Variants in DTNB observed in about 807,000 individuals in gnomAD.
The protein encoded by DTNB is dystrobrevin beta.
Under a neutral mutation model 90.7 loss-of-function variants are expected in DTNB, and 63 were observed. The ratio of observed to expected loss-of-function variants is 0.69; its 90% CI spans 0.57 to 0.86. The LOEUF is 0.86. Among genes scored for constraint, DTNB ranks in the 40% least tolerant of loss-of-function variants. The probability of loss-of-function intolerance (pLI) is 0.00; values close to 1 mark genes in which losing one functional copy is unlikely to be tolerated. For missense variants in DTNB, 744 were observed against 807.1 expected, an observed-to-expected ratio of 0.92 and a Z score of 0.95; for synonymous variants, 277 against 286.7, an observed-to-expected ratio of 0.97 and a Z score of 0.34.
At chr2:25,592,653 A>G (rs1393356693) in intron 6 of DTNB, among the ~76,000 whole-genome samples, 1 of 152,246 alleles carries the variant, frequency 6.6e-6, no homozygotes, top group African/African-American at 2.4e-5. Flanking sequence ...ATATCATTAA[A>G]AAAAAGCATT....
chr2:25,458,326 C>T (rs1046382872), intron 10 of DTNB, among the ~76,000 whole-genome samples: 9 of 150,972 alleles, frequency 6.0e-5, no homozygotes, highest in Non-Finnish European at 8.8e-5. Context: ...CCTTAAAGAG[C>T]GTGTTTATGT....
chr2:25,656,666 T>C (rs2082125886), intron 1 of DTNB, among the ~76,000 whole-genome samples: 1 of 152,240 alleles, frequency 6.6e-6, no homozygotes, highest in Non-Finnish European at 1.5e-5. Context: ...TATGACCTTG[T>C]GATCTCAGAA....
At chr2:25,561,942 T>G (rs746955736) in intron 8 of DTNB, among the ~76,000 whole-genome samples, 2 of 152,206 alleles carry the variant, frequency 1.3e-5, no homozygotes, top group Non-Finnish European at 2.9e-5. Context: ...ATTCACCCAC[T>G]GTAAAATTCA....
intron 5 of DTNB, among the ~76,000 whole-genome samples, chr2:25,604,717 G>A (rs2066706626): frequency 6.6e-6 from 1 of 152,068 alleles, no homozygotes; most frequent in Non-Finnish European, 1.5e-5. Context: ...AGCCTCCCGA[G>A]TAGCTGGGAT....
intron 4 of DTNB, among the ~76,000 whole-genome samples, chr2:25,608,164 G>A (rs769626045): frequency 2.6e-5 from 4 of 152,184 alleles, no homozygotes; most frequent in African/African-American, 9.6e-5. Context: ...AAAAGCTTGT[G>A]TTCACAATGT....
chr2:25,491,611 G>A (rs1031891677), intron 9 of DTNB, among the ~76,000 whole-genome samples: 3 of 152,082 alleles, frequency 2.0e-5, no homozygotes, highest in Non-Finnish European at 4.4e-5. Context: ...GGATATATTT[G>A]TAGCGTCTGC....
intron 8 of DTNB, among the ~76,000 whole-genome samples, chr2:25,565,654 C>T (rs75053133): frequency 0.011 from 1,747 of 151,932 alleles, 10 homozygotes; most frequent in Middle Eastern, 0.075. Context: ...TTGTCAAATT[C>T]CTTTTTCATA....
intron 12 of DTNB, among the ~76,000 whole-genome samples, chr2:25,444,114 GA>G (rs540415097): frequency 7.3e-5 from 11 of 151,418 alleles, no homozygotes; most frequent in East Asian, 1.9e-4. Context: ...TTTTATAAGG[GA>G]AAAAAAACCC....
intron 8 of DTNB, among the ~76,000 whole-genome samples, chr2:25,554,115 T>C (rs1377819293): frequency 6.6e-6 from 1 of 152,142 alleles, no homozygotes; most frequent in Non-Finnish European, 1.5e-5. Flanking sequence ...CTAATACTTT[T>C]AAAACTGAAA....
At chr2:25,562,783 T>C (rs969316541) in intron 8 of DTNB, among the ~76,000 whole-genome samples, 1 of 151,858 alleles carries the variant, frequency 6.6e-6, no homozygotes, top group Non-Finnish European at 1.5e-5. Flanking sequence ...CTTTTTTTTC[T>C]TTTTTTTGAG....
intron 9 of DTNB, among the ~76,000 whole-genome samples, chr2:25,513,008 A>T (rs1277020351): frequency 6.6e-6 from 1 of 152,216 alleles, no homozygotes; most frequent in African/African-American, 2.4e-5. Context: ...GTAATATGAC[A>T]AAGGCAGTGA....
At chr2:25,617,322 G>C (rs1301940764) in intron 4 of DTNB, among the ~76,000 whole-genome samples, 1 of 152,168 alleles carries the variant, frequency 6.6e-6, no homozygotes, top group African/African-American at 2.4e-5. Context: ...ATGTGAGCGG[G>C]ATGAATTTAC....
At chr2:25,504,411 GAAAA>G (rs1040108243) in intron 9 of DTNB, among the ~76,000 whole-genome samples, 38 of 140,718 alleles carry the variant, frequency 2.7e-4, no homozygotes, top group African/African-American at 8.2e-4. Flanking sequence ...AGGAAAGAAA[GAAAA>G]GAAAGAAGGA....
intron 19 of DTNB, among the ~76,000 whole-genome samples, chr2:25,382,153 G>T (rs1053397187): frequency 6.6e-6 from 1 of 152,346 alleles, no homozygotes; most frequent in East Asian, 1.9e-4. Flanking sequence ...GAGGGCTGCT[G>T]CTGGCTCCTC....
At position 25,630,164 on chromosome 2, in the gene DTNB, T is replaced by C. The variant is rs569455845; in HGVS notation, c.149-1780A>G. Among the ~76,000 whole-genome samples the C allele has an allele frequency of 2.8e-4, 43 of 152,272 alleles. No individual in the cohort carries two copies. The South Asian group carries it at 8.9e-3, about 32-fold the overall frequency. ...CAACATCATTAGTCATTTAGGGAAA[T>C]GCAAAAGAAAACTACGATAACATAC... On this transcript the variant is annotated intron_variant, in intron 3 of 20. Transcript: ENST00000406818.
chr2:25,380,325 C>T (rs879149193), intron 19 of DTNB, among the ~76,000 whole-genome samples: 1 of 152,168 alleles, frequency 6.6e-6, no homozygotes, highest in Admixed American at 6.5e-5. Flanking sequence ...AATCTCAGGC[C>T]TAGCTCATGG....
intron 16 of DTNB, among the ~76,000 whole-genome samples, chr2:25,406,812 AG>A (rs1275067622): frequency 6.6e-6 from 1 of 152,046 alleles, no homozygotes; most frequent in Non-Finnish European, 1.5e-5. Flanking sequence ...CAGCATCCTC[AG>A]GTTAGTTAGA....
chr2:25,534,412 G>C (rs993811782), intron 8 of DTNB, among the ~76,000 whole-genome samples: 24 of 152,044 alleles, frequency 1.6e-4, no homozygotes, highest in Admixed American at 1.6e-3. Flanking sequence ...TTTCTACACA[G>C]ACACAGTAAC....
rs1324367127 is a variant in DTNB, at chr2:25,652,601, T to C, written c.60A>G (p.Ile20Met). 28 of 1,612,212 alleles carry C rather than the reference T, an allele frequency of 1.7e-5. No homozygotes were observed. The highest frequency in any genetic ancestry group is 2.4e-5 in the Non-Finnish European group (28 of 1,179,620). ...KTMAEKRQLF[I>M]EMRAQNFDVI... The stretch of plus-strand genomic sequence containing the variant: ...CAAGGACTCAAGACTCACGCATTTC[T>C]ATGAACAGCTGCCTCTTCTCTGCCA... The change falls in exon 2 of 21, where the codon ATA becomes ATG. Residue 20 changes from isoleucine (I) to methionine (M), a missense_variant. Physicochemically the swap from Ile to Met is conservative, Grantham distance 10 (BLOSUM62 1). Transcript: ENST00000406818.
Sources: allele counts gnomAD v4.1 joint callset (sites outside exome capture counted in the v4.1 genomes callset), GRCh38; gene constraint gnomAD v4.1.1; transcripts MANE v1.5; gene names NCBI Gene and HGNC (gene_info 2026-07-23, HGNC 2026-07-21).